TRPC5: variants seen among roughly 807,000 people sequenced by gnomAD.
TRPC5 encodes transient receptor potential cation channel subfamily C member 5.
TRPC5 carries 9 observed loss-of-function variants against 56.5 expected under a neutral mutation model. That is an observed-to-expected ratio of 0.16 (90% CI 0.10 to 0.28). The LOEUF (loss-of-function observed/expected upper bound fraction) is 0.28, where lower values mean the gene tolerates loss of function less well. Among genes scored for constraint, TRPC5 ranks in the 10% least tolerant of loss-of-function variants. The pLI is 1.00. For missense variants in TRPC5, 469 were observed against 748.9 expected (o/e 0.63, Z 4.36); for synonymous variants, 282 against 278.5 (o/e 1.01, Z -0.13).
chrX:111,861,788 C>G (rs1234157589), intron 3 of TRPC5, among the ~76,000 whole-genome samples: 1 of 111,632 alleles, frequency 9.0e-6, no homozygotes, highest in African/African-American at 3.3e-5. Flanking sequence ...GAGCAATACT[C>G]TTTATGATAC....
intron 1 of TRPC5, among the ~76,000 whole-genome samples, chrX:112,079,071 G>T (rs1400322041): frequency 8.9e-6 from 1 of 111,766 alleles, no homozygotes; most frequent in African/African-American, 3.3e-5. Flanking sequence ...AAATGACTGG[G>T]CCAGATTAGG....
intron 2 of TRPC5, among the ~76,000 whole-genome samples, chrX:111,915,831 C>G (rs953732686): frequency 9.0e-6 from 1 of 111,156 alleles, no homozygotes; most frequent in Non-Finnish European, 1.9e-5. Context: ...TTGGGCCAGG[C>G]GTGGTGGCTC....
At chrX:111,903,140 T>G (rs1925438891) in intron 3 of TRPC5, 1 of 111,758 alleles carries the variant, frequency 8.9e-6, no homozygotes, top group African/African-American at 3.2e-5. Flanking sequence ...CCTCAGGAAC[T>G]AGATAAGATA....
At chrX:112,011,320 C>T (rs779245361) in intron 1 of TRPC5, among the ~76,000 whole-genome samples, 11 of 111,663 alleles carry the variant, frequency 9.9e-5, no homozygotes, top group Non-Finnish European at 1.9e-4. Context: ...GTGTGTGAAA[C>T]CTAGCAGCCA....
rs750170716 is a variant in TRPC5, at chrX:111,777,078, G to T, written c.2233-76C>A. On this transcript the variant is annotated intron_variant, in intron 10 of 10. Transcript: ENST00000262839. The stretch of plus-strand genomic sequence containing the variant: ...AAAGTAGGCACATTAGATACCTTTG[G>T]TATGTTCCAGGTTTTTGCCTAGTAG... 7.0e-6 allele frequency: 6 copies of T among 862,272 alleles called. No homozygotes were observed. In the Admixed American group the frequency reaches 1.4e-4, roughly 20 times the overall value. 71.1% of individuals were successfully genotyped at this position (862,272 alleles called of 1,213,427 possible).
chrX:111,816,955 C>T (rs1921876961), intron 7 of TRPC5, among the ~76,000 whole-genome samples: 1 of 111,738 alleles, frequency 8.9e-6, no homozygotes, highest in Non-Finnish European at 1.9e-5. Flanking sequence ...ATGTTACTTC[C>T]TTAAAGTCTC....
chrX:111,869,928 T>C (rs1379187130), intron 3 of TRPC5, among the ~76,000 whole-genome samples: 1 of 111,808 alleles, frequency 8.9e-6, no homozygotes, highest in East Asian at 2.8e-4. Flanking sequence ...TAAGAAATCA[T>C]AGAAAGTGTG....
At chrX:111,881,138 TTTC>T (rs1290852797) in intron 3 of TRPC5, among the ~76,000 whole-genome samples, 1 of 105,762 alleles carries the variant, frequency 9.5e-6, no homozygotes, top group South Asian at 3.9e-4. Flanking sequence ...GTTTTGTGAT[TTTC>T]TTTTGTTTAT....
rs758430103 is a variant in TRPC5, at chrX:111,804,774, A to G, written c.1897-22636T>C. 1.3e-3 allele frequency among the ~76,000 whole-genome samples: 145 copies of G among 111,921 alleles called. 1 individual carries two copies. The highest frequency in any genetic ancestry group is 2.3e-3 in the Admixed American group (24 of 10,536). On this transcript the variant is annotated intron_variant, in intron 7 of 10. Coordinates refer to ENST00000262839, the MANE Select transcript of TRPC5 (RefSeq NM_012471.3). ...TGGGCTGAGATGGGGTTTTCTAAAT[A>G]TACAATCATGTCATCTGCAAAGACA...
chrX:112,062,921 T>A (rs1327580915), intron 1 of TRPC5, among the ~76,000 whole-genome samples: 2 of 110,796 alleles, frequency 1.8e-5, no homozygotes, highest in African/African-American at 6.6e-5. Flanking sequence ...GGGCAGTAAG[T>A]AGGGTAATAG....
At chrX:111,983,743 G>C (rs925194650) in intron 1 of TRPC5, among the ~76,000 whole-genome samples, 1 of 111,095 alleles carries the variant, frequency 9.0e-6, no homozygotes, top group African/African-American at 3.3e-5. Context: ...AAAATGAACT[G>C]TAATGTGGCA....
intron 1 of TRPC5, among the ~76,000 whole-genome samples, chrX:112,075,579 A>G (rs770413657): frequency 2.0e-3 from 227 of 112,038 alleles, no homozygotes; most frequent in African/African-American, 7.1e-3. Context: ...TGAAGTTGCT[A>G]ATTAGCAGAC....
chrX:112,061,632 AGAG>A (rs1930461459), intron 1 of TRPC5, among the ~76,000 whole-genome samples: 1 of 111,889 alleles, frequency 8.9e-6, no homozygotes, highest in Admixed American at 9.5e-5. Context: ...CCAAGGAGAC[AGAG>A]AAGAGCAGTC....
chrX:111,915,749 T>G (rs1353262285), intron 2 of TRPC5, among the ~76,000 whole-genome samples: 1 of 111,632 alleles, frequency 9.0e-6, no homozygotes, highest in Non-Finnish European at 1.9e-5. Context: ...TCTAGCACAG[T>G]GCTAGACACA....
At chrX:111,990,360 G>A (rs1928322076) in intron 1 of TRPC5, among the ~76,000 whole-genome samples, 1 of 110,907 alleles carries the variant, frequency 9.0e-6, no homozygotes, top group Admixed American at 9.7e-5. Flanking sequence ...AGAGGTTGCA[G>A]TGAGCCGAGA....
In TRPC5 at chrX:111,776,737, C is replaced by G; in HGVS notation, c.2498G>C (p.Ser833Thr). The G allele has an allele frequency of 8.3e-7, 1 of 1,211,433 alleles. No homozygotes were observed. Among genetic ancestry groups the G allele is most frequent in the Non-Finnish European group, 1.1e-6 (1 of 895,403 alleles). ...AGAAGGACCCATGAAGGAGCGTTTG[C>G]TTGATGACTCAGCTTTTGACTTTCC... ...AQGKSKAESS[S>T]KRSFMGPSLK... is the part of the protein sequence containing the mutation. Residue 833 changes from serine (S) to threonine (T), a missense_variant, in exon 11 of 11, where the codon AGC becomes ACC. Transcript: ENST00000262839.
At chrX:111,777,874 T>C (rs974219165) in intron 10 of TRPC5, among the ~76,000 whole-genome samples, 1 of 112,664 alleles carries the variant, frequency 8.9e-6, no homozygotes, top group African/African-American at 3.2e-5. Context: ...GCGTCCCTCC[T>C]CTCTGTGTTT....
intron 9 of TRPC5, among the ~76,000 whole-genome samples, chrX:111,780,763 C>G (rs1241808002): frequency 8.9e-6 from 1 of 111,860 alleles, no homozygotes; most frequent in Non-Finnish European, 1.9e-5. Flanking sequence ...TATTTTATCC[C>G]TGCTAGATAA....
chrX:111,886,134 G>A lies in TRPC5; in HGVS notation c.900+26157C>T, dbSNP rs535002869. Among the ~76,000 whole-genome samples, 3 of 111,550 alleles carry A rather than the reference G, an allele frequency of 2.7e-5. No homozygotes were observed. The South Asian group carries it at 1.2e-3, about 44-fold the overall frequency. ...GTCTCTACTAAAAATATAAAAAATA[G>A]TTGGGCATGGTGGTGGGCGCCTGTA... On this transcript the variant is annotated intron_variant, in intron 3 of 10. Coordinates refer to ENST00000262839, the MANE Select transcript of TRPC5 (RefSeq NM_012471.3).
Sources: gnomAD v4.1 joint callset for allele counts (sites outside exome capture counted in the v4.1 genomes callset) on GRCh38, gnomAD v4.1.1 for gene constraint, MANE v1.5 for transcripts, NCBI Gene and HGNC (gene_info 2026-07-23, HGNC 2026-07-21) for gene names.